CCDC7: variants seen among roughly 807,000 people sequenced by gnomAD.
CCDC7 encodes coiled-coil domain-containing protein 7.
A neutral mutation model predicts 196.9 loss-of-function variants in CCDC7; 183 were observed. The observed-to-expected ratio is 0.93, with a 90% CI of 0.82 to 1.05. The LOEUF (loss-of-function observed/expected upper bound fraction) is 1.05. CCDC7 is among the 50% of genes least tolerant of loss of function. The pLI, the probability that CCDC7 is intolerant of heterozygous loss-of-function variation, is 0.00. For synonymous variants in CCDC7, 525 were observed against 484.6 expected (o/e 1.08, Z -1.10); for missense variants, 1,540 against 1,482.2 (o/e 1.04, Z -0.64).
chr10:32,518,019 G>A (rs1440419929), intron 10 of CCDC7, 44 bp downstream of exon 11: 19 of 1,526,212 alleles, frequency 1.2e-5, no homozygotes, highest in Non-Finnish European at 1.4e-5. Context: ...TTGTCCTTGA[G>A]TTCTTAACAG....
At chr10:32,598,078 G>T (rs2060602197) in intron 18 of CCDC7, among the ~76,000 whole-genome samples, 1 of 152,212 alleles carries the variant, frequency 6.6e-6, no homozygotes, top group South Asian at 2.1e-4. Flanking sequence ...GCTGCCTTTT[G>T]TTCAGCTATG....
At chr10:32,493,619 T>C (rs2042471104) in intron 9 of CCDC7, among the ~76,000 whole-genome samples, 1 of 151,962 alleles carries the variant, frequency 6.6e-6, no homozygotes, top group Non-Finnish European at 1.5e-5. Context: ...CTCCATACTG[T>C]TTTCCATAAA....
At chr10:32,746,091 A>T (rs939736633) in intron 28 of CCDC7, among the ~76,000 whole-genome samples, 2 of 152,122 alleles carry the variant, frequency 1.3e-5, no homozygotes, top group Non-Finnish European at 2.9e-5. Context: ...CAGGAAGAGC[A>T]TCTCCCACTG....
Position 32,847,830 on chromosome 10 carries a change from T to C in CCDC7, c.3689-3T>C. The C allele has an allele frequency of 1.3e-6, 2 of 1,595,310 alleles. No individual in the cohort carries two copies. The highest frequency in any genetic ancestry group is 1.7e-6 in the Non-Finnish European group (2 of 1,167,388). ...TGTTTTGAAATGTGTTTTATGTCTA[T>C]AGAGACTGATGTAGAACCCTTGACA... On this transcript the variant is annotated splice_region_variant and splice_polypyrimidine_tract_variant and intron_variant, in intron 37 of 41. Transcript: ENST00000639629.
intron 28 of CCDC7, among the ~76,000 whole-genome samples, chr10:32,752,134 A>G (rs1460483474): frequency 1.3e-5 from 2 of 152,118 alleles, no homozygotes; most frequent in African/African-American, 4.8e-5. Flanking sequence ...ACCCTATACC[A>G]TTAAGTTTAT....
chr10:32,528,048 C>A (rs979699699), intron 11 of CCDC7, among the ~76,000 whole-genome samples: 14 of 152,032 alleles, frequency 9.2e-5, no homozygotes, highest in African/African-American at 2.9e-4. Context: ...CTGACCCTTC[C>A]AAGTCATTCC....
At chr10:32,756,183 T>G (rs958706294) in intron 28 of CCDC7, among the ~76,000 whole-genome samples, 1 of 152,174 alleles carries the variant, frequency 6.6e-6, no homozygotes, top group African/African-American at 2.4e-5. Context: ...AAAACACTCT[T>G]CTGGATATTA....
At chr10:32,653,209 A>G (rs1296984072) in intron 20 of CCDC7, among the ~76,000 whole-genome samples, 1 of 152,132 alleles carries the variant, frequency 6.6e-6, no homozygotes, top group Non-Finnish European at 1.5e-5. Context: ...TAAGGGGTAT[A>G]GGACTCAGGT....
intron 2 of CCDC7, among the ~76,000 whole-genome samples, chr10:32,454,935 T>C (rs3004204): frequency 0.25 from 38,334 of 152,168 alleles, 5,417 homozygotes; most frequent in South Asian, 0.44. Context: ...GAAATCCTCC[T>C]TGTGCCCTTA....
Position 32,583,313 on chromosome 10 carries a change from A to T in CCDC7, c.1728+6A>T. ...TTCTTACAGAAAGTAAAAAGGTATGATATATATAGAAACTTGAAAGCTGTT... is the reference window on the plus strand; with the variant it reads ...TTCTTACAGAAAGTAAAAAGGTATGTTATATATAGAAACTTGAAAGCTGTT... On this transcript the variant is annotated splice_donor_region_variant and intron_variant, in intron 17 of 41. Transcript: ENST00000639629. The T allele has an allele frequency of 8.2e-7, 1 of 1,225,730 alleles. No individual in the cohort carries two copies. The highest frequency in any genetic ancestry group is 1.0e-6 in the Non-Finnish European group (1 of 982,360). 75.9% of individuals were successfully genotyped at this position (1,225,730 alleles called of 1,614,324 possible). A position where few individuals can be genotyped will look rare whatever the true frequency, so the allele number is the denominator to read the frequency against.
intron 20 of CCDC7, among the ~76,000 whole-genome samples, chr10:32,653,672 G>T (rs538596449): frequency 6.6e-6 from 1 of 152,060 alleles, no homozygotes; most frequent in South Asian, 2.1e-4. Flanking sequence ...AAATGGGTGA[G>T]GTTTTTTCAG....
chr10:32,726,252 A>G (rs1406821989), intron 25 of CCDC7, among the ~76,000 whole-genome samples: 2 of 151,998 alleles, frequency 1.3e-5, no homozygotes, highest in Non-Finnish European at 2.9e-5. Context: ...TTATTTTTAC[A>G]TAATATGTAT....
At chr10:32,454,544 T>C (rs1351242135) in intron 2 of CCDC7, among the ~76,000 whole-genome samples, 1 of 151,302 alleles carries the variant, frequency 6.6e-6, no homozygotes, top group Non-Finnish European at 1.5e-5. Context: ...GTAACAAACC[T>C]GCACATGTAC....
Position 32,567,919 on chromosome 10 carries a change from T to C in CCDC7, c.1419+28T>C, listed in dbSNP as rs773528880. The C allele has an allele frequency of 2.5e-6, 4 of 1,574,536 alleles. No individual in the cohort carries two copies. In the East Asian group the frequency reaches 6.8e-5, roughly 27 times the overall value. On this transcript the variant is annotated intron_variant, in intron 15 of 41. Coordinates refer to ENST00000639629, the Ensembl canonical transcript of CCDC7. ...GAGGAAATAACCAAAATGGAGACAG[T>C]AGTATATGTTGTGAGAAATTTGTCT...
At chr10:32,524,382 G>C (rs986895759) in intron 11 of CCDC7, among the ~76,000 whole-genome samples, 1 of 152,076 alleles carries the variant, frequency 6.6e-6, no homozygotes. Context: ...TTATCACTGA[G>C]TCTTTTTATT....
intron 24 of CCDC7, 132 bp from the exon 26 acceptor site, chr10:32,711,488 C>T (rs1218531998): frequency 8.9e-6 from 5 of 559,370 alleles, no homozygotes; most frequent in Middle Eastern, 4.6e-4. Flanking sequence ...TCAGAGCTAG[C>T]ATTAAGGTAG....
chr10:32,535,076 G>A (rs2050258261), intron 11 of CCDC7, among the ~76,000 whole-genome samples: 1 of 151,432 alleles, frequency 6.6e-6, no homozygotes, highest in South Asian at 2.1e-4. Flanking sequence ...GGATGTGGAA[G>A]TCCGATTTTC....
intron 8 of CCDC7, among the ~76,000 whole-genome samples, chr10:32,478,206 A>G (rs915031334): frequency 4.2e-4 from 64 of 152,326 alleles, no homozygotes; most frequent in African/African-American, 1.4e-3. Context: ...AATTTGCAAT[A>G]ATTGTTTATT....
At chr10:32,701,206 T>A (rs2078659632) in intron 24 of CCDC7, among the ~76,000 whole-genome samples, 1 of 152,190 alleles carries the variant, frequency 6.6e-6, no homozygotes, top group South Asian at 2.1e-4. Context: ...CCTGGATAGC[T>A]CTTATTATTT....
Sources: allele counts gnomAD v4.1 joint callset (sites outside exome capture counted in the v4.1 genomes callset), GRCh38; gene constraint gnomAD v4.1.1; transcripts MANE v1.5; gene names NCBI Gene and HGNC (gene_info 2026-07-23, HGNC 2026-07-21).